The following NUP98 variants were observed in gnomAD, a reference collection of about 807,000 sequenced individuals.
NUP98 encodes nuclear pore complex protein Nup98-Nup96.
In NUP98, 26 loss-of-function variants were observed where a neutral mutation model predicts 191.9. The observed-to-expected ratio is 0.14, with a 90% CI of 0.10 to 0.19. The LOEUF is 0.19. NUP98 is among the 10% of genes least tolerant of loss of function. The pLI is 1.00. For missense variants in NUP98, 1,941 were observed against 2,178.8 expected, an observed-to-expected ratio of 0.89 and a Z score of 2.17; for synonymous variants, 808 against 778.4, an observed-to-expected ratio of 1.04 and a Z score of -0.63.
rs182460620 is a variant in NUP98 at position 3,694,726 on chromosome 11, C to T, written c.4167+723G>A. On this transcript the variant is annotated intron_variant, in intron 26 of 32. Coordinates refer to ENST00000324932, the MANE Select transcript of NUP98 (RefSeq NM_016320.5). ...CTGCACTCCAACCTGGGCAACAGAGCGAGACTCTGTCTCAAGAGAAAAAAA... is the reference window on the plus strand; with the variant it reads ...CTGCACTCCAACCTGGGCAACAGAGTGAGACTCTGTCTCAAGAGAAAAAAA... Among the ~76,000 whole-genome samples, 782 of 148,278 alleles carry T rather than the reference C, an allele frequency of 5.3e-3. 4 individuals carry two copies. The highest frequency in any genetic ancestry group is 8.3e-3 in the Non-Finnish European group (560 of 67,488).
chr11:3,761,717 G>A (rs956249125), intron 9 of NUP98, among the ~76,000 whole-genome samples: 1 of 151,652 alleles, frequency 6.6e-6, no homozygotes, highest in African/African-American at 2.4e-5. Flanking sequence ...GAGATCGCAC[G>A]CCACTGTACT....
At position 3,797,550 on chromosome 11, in the gene NUP98, A is replaced by G. The variant is rs1432289333; in HGVS notation, c.-179T>C. On this transcript the variant is annotated 5_prime_UTR_variant, in exon 1 of 33. Coordinates refer to ENST00000324932, the MANE Select transcript of NUP98 (RefSeq NM_016320.5). Reference sequence around the variant, plus strand: ...TCGGGCGCAGCGCGCAGAGGGCCCGACTGCGTCACACGCCGCCCGGCGTCA... The same window carrying G: ...TCGGGCGCAGCGCGCAGAGGGCCCGGCTGCGTCACACGCCGCCCGGCGTCA... 3 of 482,376 alleles carry G rather than the reference A, an allele frequency of 6.2e-6. No individual in the cohort carries two copies. Among genetic ancestry groups the G allele is most frequent in the African/African-American group, 4.1e-5 (2 of 48,958 alleles). 29.9% of individuals were successfully genotyped at this position (482,376 alleles called of 1,614,324 possible).
intron 14 of NUP98, among the ~76,000 whole-genome samples, chr11:3,727,771 C>T (rs1280402750): frequency 2.0e-5 from 3 of 152,054 alleles, no homozygotes; most frequent in African/African-American, 7.2e-5. Context: ...CACTTATAGT[C>T]CCAGCTACTT....
At chr11:3,760,252 C>T in intron 10 of NUP98, 1 of 446,306 alleles carries the variant, frequency 2.2e-6, no homozygotes, top group Non-Finnish European at 4.0e-6. Flanking sequence ...AAATGTGTTT[C>T]CTTTATGGTT....
chr11:3,706,388 T>G, intron 21 of NUP98, 57 bp downstream of exon 21: 3 of 1,505,396 alleles, frequency 2.0e-6, no homozygotes, highest in Non-Finnish European at 2.8e-6. Flanking sequence ...TCCTATGCAA[T>G]GGAGATAAAA....
At chr11:3,735,367 TA>T in intron 12 of NUP98, 43 bp from the exon 13 acceptor site, 1 of 1,069,244 alleles carries the variant, frequency 9.4e-7, no homozygotes. Context: ...TATATATATA[TA>T]AATGCAAGGA....
intron 11 of NUP98, among the ~76,000 whole-genome samples, chr11:3,752,317 G>A (rs776746690): frequency 9.9e-5 from 15 of 151,796 alleles, no homozygotes; most frequent in Non-Finnish European, 7.4e-5. Context: ...AGGAGTTCAA[G>A]ACCAGCCTGA....
In NUP98 at chr11:3,706,482, A is replaced by G. The variant is rs1445029506; in HGVS notation, c.2888T>C (p.Ile963Thr). 5 of 1,614,082 alleles carry G rather than the reference A, an allele frequency of 3.1e-6. No individual in the cohort carries two copies. The highest frequency in any genetic ancestry group is 3.3e-5 in the Admixed American group (2 of 59,998). The change falls in exon 21 of 33, where the codon ATT becomes ACT. Residue 963 changes from isoleucine (I) to threonine (T), a missense_variant. Ile to Thr is a moderately conservative substitution (Grantham distance 89). Coordinates refer to ENST00000324932, the MANE Select transcript of NUP98 (RefSeq NM_016320.5). Reference protein sequence around the residue: ...DQEPVSASTHIASSLGINPHV... With the variant: ...DQEPVSASTHTASSLGINPHV... ...TGGATTAATTCCCAGTGAAGATGCAATATGTGTTGAGGCAGACACAGGTTC... is the reference window on the plus strand; with the variant it reads ...TGGATTAATTCCCAGTGAAGATGCAGTATGTGTTGAGGCAGACACAGGTTC...
chr11:3,695,782 T>G (rs367844696), intron 25 of NUP98, among the ~76,000 whole-genome samples, 176 bp from the exon 26 acceptor site: 1 of 152,164 alleles, frequency 6.6e-6, no homozygotes, highest in African/African-American at 2.4e-5. Flanking sequence ...TCTGCTTGGA[T>G]AGAAAATTTG....
At chr11:3,721,059 A>ATG (rs2079381723) in intron 16 of NUP98, 1 of 292,756 alleles carries the variant, frequency 3.4e-6, no homozygotes, top group Admixed American at 4.9e-5. Flanking sequence ...GATACATCAA[A>ATG]GAGTCTAAAA....
At chr11:3,776,119 TC>T in intron 4 of NUP98, 98 bp from the exon 5 acceptor site, 10 of 766,490 alleles carry the variant, frequency 1.3e-5, no homozygotes, top group Non-Finnish European at 1.9e-5. Context: ...TCACAGTACT[TC>T]ATTTTTTTTT....
intron 29 of NUP98, 27 bp downstream of exon 29, chr11:3,685,946 C>T: frequency 6.3e-7 from 1 of 1,575,812 alleles, no homozygotes; most frequent in Non-Finnish European, 8.7e-7. Context: ...TAGATGTACC[C>T]AGTGGGTTCA....
At chr11:3,752,362 C>T (rs1181205965) in intron 11 of NUP98, among the ~76,000 whole-genome samples, 2 of 151,250 alleles carry the variant, frequency 1.3e-5, no homozygotes, top group African/African-American at 4.9e-5. Context: ...ACTAAAAATA[C>T]AATAATTAGC....
intron 8 of NUP98, 58 bp downstream of exon 8, chr11:3,768,523 C>T (rs1233922629): frequency 1.4e-6 from 2 of 1,404,082 alleles, no homozygotes; most frequent in Non-Finnish European, 1.9e-6. Flanking sequence ...TGATTAGAAT[C>T]CTCATTACTT....
At chr11:3,719,221 G>A (rs2079302623) in intron 18 of NUP98, among the ~76,000 whole-genome samples, 191 bp downstream of exon 18, 1 of 152,028 alleles carries the variant, frequency 6.6e-6, no homozygotes, top group African/African-American at 2.4e-5. Flanking sequence ...AATAAAATCA[G>A]GGAAAAGGAG....
At chr11:3,779,641 CAAA>C (rs35376772) in intron 2 of NUP98, among the ~76,000 whole-genome samples, 14 of 139,646 alleles carry the variant, frequency 1.0e-4, no homozygotes, top group Non-Finnish European at 1.1e-4. Context: ...AACGCCGTCT[CAAA>C]AAAAAAAAAA....
At chr11:3,796,619 C>T (rs2082598749) in intron 1 of NUP98, among the ~76,000 whole-genome samples, 1 of 152,178 alleles carries the variant, frequency 6.6e-6, no homozygotes, top group Non-Finnish European at 1.5e-5. Context: ...CATGCCGCAC[C>T]GACCTCCTAA....
intron 6 of NUP98, among the ~76,000 whole-genome samples, chr11:3,773,396 A>C (rs1048452136): frequency 2.0e-5 from 3 of 152,150 alleles, no homozygotes; most frequent in Non-Finnish European, 2.9e-5. Context: ...CTCAAAAAAA[A>C]AAAAAGACCA....
chr11:3,684,515 C>T (rs1357637261), intron 29 of NUP98, among the ~76,000 whole-genome samples: 1 of 152,032 alleles, frequency 6.6e-6, no homozygotes, highest in Non-Finnish European at 1.5e-5. Flanking sequence ...ATAGTCAACT[C>T]CGAAACATTA....
Sources: gnomAD v4.1 joint callset for allele counts (sites outside exome capture counted in the v4.1 genomes callset) on GRCh38, gnomAD v4.1.1 for gene constraint, MANE v1.5 for transcripts, NCBI Gene and HGNC (gene_info 2026-07-23, HGNC 2026-07-21) for gene names.